Variants in SHANK2 observed in about 807,000 individuals in gnomAD.
SHANK2 encodes SH3 and multiple ankyrin repeat domains protein 2.
A neutral mutation model predicts 133.7 loss-of-function variants in SHANK2; 43 were observed. The ratio of observed to expected loss-of-function variants is 0.32; its 90% CI spans 0.25 to 0.41. The LOEUF is 0.41. SHANK2 is among the 10% of genes least tolerant of loss of function. The pLI is 1.00. For missense variants in SHANK2, 1,994 were observed against 2,235.8 expected, an observed-to-expected ratio of 0.89 and a Z score of 2.18; for synonymous variants, 1,017 against 952.8, an observed-to-expected ratio of 1.07 and a Z score of -1.24.
chr11:70,912,679 A>C (rs1555079248), intron 10 of SHANK2, among the ~76,000 whole-genome samples: 4 of 152,308 alleles, frequency 2.6e-5, no homozygotes, highest in Non-Finnish European at 5.9e-5. Flanking sequence ...TGCAGAAATG[A>C]AGGGGGCGCT....
At chr11:70,842,145 A>G (rs782320410) in intron 11 of SHANK2, among the ~76,000 whole-genome samples, 109 of 152,340 alleles carry the variant, frequency 7.2e-4, no homozygotes, top group Non-Finnish European at 1.3e-3. Flanking sequence ...GCGATATCTG[A>G]AAACTCACCA....
In SHANK2 at chr11:70,471,320, AAAT is replaced by A. The variant is rs1402476430; in HGVS notation, c.*1546_*1548del. 5.0e-6 allele frequency: 2 copies of A among 398,946 alleles called. No individual in the cohort carries two copies. Among genetic ancestry groups the A allele is most frequent in the African/African-American group, 2.1e-5 (1 of 48,742 alleles). 24.7% of individuals were successfully genotyped at this position (398,946 alleles called of 1,614,324 possible). On this transcript the variant is annotated 3_prime_UTR_variant, in exon 26 of 26. Coordinates refer to ENST00000601538, the MANE Select transcript of SHANK2 (RefSeq NM_012309.5). The surrounding 1 kb of genome is among the most constrained non-coding windows in gnomAD (Gnocchi z 4.1). ...TTAGAGATGGGCTGAGCTAGTTCTG[AAAT>A]AATAATAAAACCAAAAACCTGACAT...
chr11:70,612,853 C>T (rs1554994713), intron 17 of SHANK2, among the ~76,000 whole-genome samples: 1 of 151,848 alleles, frequency 6.6e-6, no homozygotes, highest in African/African-American at 2.4e-5. Flanking sequence ...TCCTCTGTGG[C>T]CTCCACGTTC....
intron 10 of SHANK2, among the ~76,000 whole-genome samples, chr11:70,920,203 T>G (rs1409890141): frequency 6.6e-6 from 1 of 152,256 alleles, no homozygotes; most frequent in Admixed American, 6.5e-5. Context: ...TAGCTACTAG[T>G]ATAATCATAA....
At chr11:71,137,327 G>A (rs1363894962) in intron 3 of SHANK2, among the ~76,000 whole-genome samples, 2 of 140,348 alleles carry the variant, frequency 1.4e-5, no homozygotes, top group East Asian at 4.1e-4. Context: ...AAAGGTAACT[G>A]CTATCTAAGA....
chr11:71,098,078 G>C (rs1436775147), intron 6 of SHANK2, among the ~76,000 whole-genome samples: 2 of 148,414 alleles, frequency 1.3e-5, no homozygotes. Context: ...CTGTGTGTAT[G>C]CATGCCTGTT....
intron 14 of SHANK2, among the ~76,000 whole-genome samples, chr11:70,750,707 G>A (rs376002951): frequency 6.6e-5 from 10 of 152,106 alleles, no homozygotes; most frequent in African/African-American, 2.2e-4. Flanking sequence ...ATCTGACCTC[G>A]AACAGCATAT....
rs782803386 is a variant in SHANK2, at chr11:70,500,655, C to A, written c.2288-65G>T. The A allele has an allele frequency of 3.8e-6, 6 of 1,567,906 alleles. No individual in the cohort carries two copies. The highest frequency in any genetic ancestry group is 1.4e-5 in the African/African-American group (1 of 73,838). On this transcript the variant is annotated intron_variant, in intron 20 of 25. Coordinates refer to ENST00000601538, the MANE Select transcript of SHANK2 (RefSeq NM_012309.5). The surrounding 1 kb of genome is among the most constrained non-coding windows in gnomAD (Gnocchi z 4.5). ...GCAGCGCCCGCCCGCAGCCTACACT[C>A]GGGCCTTGTCAGCTCAGGGCGCCTC...
intron 17 of SHANK2, among the ~76,000 whole-genome samples, chr11:70,586,108 C>T (rs1169025156): frequency 6.6e-6 from 1 of 152,150 alleles, no homozygotes; most frequent in African/African-American, 2.4e-5. Context: ...GAGAATCGCA[C>T]AGGTGCCTGC....
chr11:70,792,337 A>G (rs1324930324), intron 14 of SHANK2, among the ~76,000 whole-genome samples: 15 of 151,450 alleles, frequency 9.9e-5, no homozygotes, highest in African/African-American at 3.6e-4. Context: ...CCAACCAACC[A>G]ACCAACCAGC....
At chr11:71,095,431 A>C (rs1247986114) in intron 6 of SHANK2, among the ~76,000 whole-genome samples, 1 of 152,218 alleles carries the variant, frequency 6.6e-6, no homozygotes, top group Non-Finnish European at 1.5e-5. Flanking sequence ...CTGCTAAACA[A>C]GAGGAACTAC....
chr11:70,554,679 G>T (rs1029827396), intron 17 of SHANK2, among the ~76,000 whole-genome samples: 4 of 151,954 alleles, frequency 2.6e-5, no homozygotes, highest in Non-Finnish European at 4.4e-5. Context: ...TTCCTTCTGG[G>T]CATTGTATAT....
Position 70,661,583 on chromosome 11 carries a change from C to A in SHANK2, c.1936+13G>T. ...CATGGGAACATATTCAGGCTCAGAG[C>A]GGCTGCTCTTACCTTTGGCCCCTCG... On this transcript the variant is annotated intron_variant, in intron 16 of 25. Coordinates refer to ENST00000601538, the MANE Select transcript of SHANK2 (RefSeq NM_012309.5). 6.2e-7 allele frequency: 1 copy of A among 1,605,854 alleles called. No homozygotes were observed. The highest frequency in any genetic ancestry group is 2.2e-5 in the East Asian group (1 of 44,706).
chr11:70,799,370 C>T (rs1487465940), intron 13 of SHANK2, among the ~76,000 whole-genome samples: 1 of 151,338 alleles, frequency 6.6e-6, no homozygotes, highest in African/African-American at 2.4e-5. Context: ...CCACTGCACT[C>T]ACAGCCTGGG....
At chr11:70,908,298 A>C (rs1950138337) in intron 10 of SHANK2, among the ~76,000 whole-genome samples, 1 of 152,168 alleles carries the variant, frequency 6.6e-6, no homozygotes, top group Admixed American at 6.5e-5. Flanking sequence ...GGATGGCCTC[A>C]CATGGGCCTC....
chr11:71,138,808 G>GAAAAGA (rs1351180938), intron 3 of SHANK2, among the ~76,000 whole-genome samples: 6 of 135,854 alleles, frequency 4.4e-5, no homozygotes, highest in African/African-American at 9.3e-5. Context: ...AAAAAAAAAA[G>GAAAAGA]AAAAGAAAAA....
At chr11:70,703,872 C>T (rs1945599797) in intron 14 of SHANK2, among the ~76,000 whole-genome samples, 1 of 152,232 alleles carries the variant, frequency 6.6e-6, no homozygotes, top group South Asian at 2.1e-4. Flanking sequence ...CAGCTCCAGC[C>T]ATGTGGTCAG....
At chr11:70,933,142 C>T (rs1210210859) in intron 10 of SHANK2, 3 of 456,486 alleles carry the variant, frequency 6.6e-6, no homozygotes, top group Non-Finnish European at 1.3e-5. Context: ...AATGGATGAA[C>T]AAAGTGTGGT....
intron 10 of SHANK2, among the ~76,000 whole-genome samples, chr11:70,904,527 T>TTA (rs1950072161): frequency 7.8e-6 from 1 of 128,164 alleles, no homozygotes; most frequent in African/African-American, 2.6e-5. Flanking sequence ...TTTTTTTTTT[T>TTA]AATGGAGTCT....
Sources: allele counts gnomAD v4.1 joint callset (sites outside exome capture counted in the v4.1 genomes callset), GRCh38; gene constraint gnomAD v4.1.1; non-coding constraint Gnocchi (gnomAD v3.1); transcripts MANE v1.5; gene names NCBI Gene and HGNC (gene_info 2026-07-23, HGNC 2026-07-21).